The following KCTD8 variants were observed in gnomAD, a reference collection of about 807,000 sequenced individuals.
The protein encoded by KCTD8 is BTB/POZ domain-containing protein KCTD8.
Under a neutral mutation model 31.5 loss-of-function variants are expected in KCTD8, and 27 were observed. That is an observed-to-expected ratio of 0.86 (90% CI 0.63 to 1.18). KCTD8 has a LOEUF of 1.18. KCTD8 is among the 50% of genes most tolerant of loss of function. The probability of loss-of-function intolerance (pLI) is 0.00; values close to 1 mark genes in which losing one functional copy is unlikely to be tolerated. For synonymous variants in KCTD8, 290 were observed against 280.0 expected, an observed-to-expected ratio of 1.04 and a Z score of -0.36; for missense variants, 658 against 647.7, an observed-to-expected ratio of 1.02 and a Z score of -0.17.
intron 1 of KCTD8, among the ~76,000 whole-genome samples, chr4:44,297,645 G>A (rs1415924395): frequency 6.6e-6 from 1 of 152,078 alleles, no homozygotes; most frequent in Non-Finnish European, 1.5e-5. Context: ...ATGTATAAAT[G>A]AAATACCATG....
intron 1 of KCTD8, among the ~76,000 whole-genome samples, chr4:44,409,745 A>G (rs1720905414): frequency 6.6e-6 from 1 of 152,136 alleles, no homozygotes; most frequent in Non-Finnish European, 1.5e-5. Flanking sequence ...TCCTATTTTA[A>G]AAACAACTGA....
intron 1 of KCTD8, among the ~76,000 whole-genome samples, chr4:44,354,873 T>G (rs1430602896): frequency 6.6e-6 from 1 of 152,074 alleles, no homozygotes; most frequent in African/African-American, 2.4e-5. Flanking sequence ...ATCATGCAGT[T>G]AGTATGTATT....
intron 1 of KCTD8, among the ~76,000 whole-genome samples, chr4:44,207,752 G>A (rs1003183700): frequency 6.6e-6 from 1 of 152,198 alleles, no homozygotes; most frequent in Non-Finnish European, 1.5e-5. Context: ...CTCTGTCAAT[G>A]CTACACAAGC....
intron 1 of KCTD8, among the ~76,000 whole-genome samples, chr4:44,394,440 C>A (rs1180940896): frequency 6.6e-6 from 1 of 152,010 alleles, no homozygotes; most frequent in Non-Finnish European, 1.5e-5. Flanking sequence ...AAAAAATACC[C>A]TTTGGTCTTT....
At chr4:44,330,140 G>T (rs1281880369) in intron 1 of KCTD8, among the ~76,000 whole-genome samples, 1 of 151,866 alleles carries the variant, frequency 6.6e-6, no homozygotes, top group Non-Finnish European at 1.5e-5. Flanking sequence ...TTTCAGGTTA[G>T]ATACGTTTGA....
At chr4:44,260,315 C>CT (rs1349865440) in intron 1 of KCTD8, among the ~76,000 whole-genome samples, 8 of 151,766 alleles carry the variant, frequency 5.3e-5, no homozygotes, top group Non-Finnish European at 7.4e-5. Context: ...GTGAACTGAT[C>CT]ACCTACTATG....
intron 1 of KCTD8, among the ~76,000 whole-genome samples, chr4:44,386,757 C>T (rs1720233424): frequency 6.6e-6 from 1 of 151,294 alleles, no homozygotes; most frequent in Non-Finnish European, 1.5e-5. Context: ...GTACATACCC[C>T]AAAAAAGGAA....
chr4:44,272,107 C>A (rs1001769425), intron 1 of KCTD8, among the ~76,000 whole-genome samples: 1 of 130,722 alleles, frequency 7.6e-6, no homozygotes, highest in African/African-American at 3.7e-5. Context: ...TCAATAAATA[C>A]CCATGGTATT....
chr4:44,309,439 T>C (rs749591936), intron 1 of KCTD8, among the ~76,000 whole-genome samples: 31 of 152,178 alleles, frequency 2.0e-4, no homozygotes, highest in Non-Finnish European at 4.0e-4. Flanking sequence ...AAGTAATATT[T>C]TACAGAATTT....
At position 44,304,357 on chromosome 4, in the gene KCTD8, G is replaced by A. The variant is rs1190115009; in HGVS notation, c.962-129107C>T. On this transcript the variant is annotated intron_variant, in intron 1 of 1. Coordinates refer to ENST00000360029, the MANE Select transcript of KCTD8 (RefSeq NM_198353.3). ...CAATAAGGAGAATAGTCAGAATTGA[G>A]GTAAAGTAGATGGCCTGCATTTAAA... 7.9e-5 allele frequency among the ~76,000 whole-genome samples: 12 copies of A among 152,096 alleles called. No homozygotes were observed. The East Asian group carries it at 2.3e-3, about 29-fold the overall frequency.
At chr4:44,416,755 C>T (rs1402984097) in intron 1 of KCTD8, among the ~76,000 whole-genome samples, 1 of 152,128 alleles carries the variant, frequency 6.6e-6, no homozygotes, top group African/African-American at 2.4e-5. Flanking sequence ...GTTATGTTTC[C>T]TGTATAGCCT....
chr4:44,352,539 A>G (rs1168098304), intron 1 of KCTD8, among the ~76,000 whole-genome samples: 2 of 147,530 alleles, frequency 1.4e-5, no homozygotes, highest in African/African-American at 2.5e-5. Context: ...TATACTATTT[A>G]TATTTTTGTA....
At chr4:44,203,109 T>C (rs898443194) in intron 1 of KCTD8, among the ~76,000 whole-genome samples, 1 of 152,310 alleles carries the variant, frequency 6.6e-6, no homozygotes, top group Non-Finnish European at 1.5e-5. Context: ...TGGAGACTAA[T>C]GAGCCTGCCA....
chr4:44,279,918 CA>C (rs1187320967), intron 1 of KCTD8, among the ~76,000 whole-genome samples: 1 of 152,024 alleles, frequency 6.6e-6, no homozygotes, highest in Non-Finnish European at 1.5e-5. Flanking sequence ...CTCATTCATA[CA>C]GGTATTAATG....
chr4:44,436,342 T>C (rs1721644569), intron 1 of KCTD8, among the ~76,000 whole-genome samples: 1 of 152,070 alleles, frequency 6.6e-6, no homozygotes, highest in Non-Finnish European at 1.5e-5. Context: ...CAAGACCTCC[T>C]TCTGTAAACA....
intron 1 of KCTD8, among the ~76,000 whole-genome samples, chr4:44,405,241 T>TTTG (rs1553906240): frequency 2.3e-4 from 34 of 149,296 alleles, no homozygotes; most frequent in South Asian, 4.3e-4. Context: ...AGCCAGGTGT[T>TTTG]TTTGTTTGTT....
chr4:44,344,619 C>T (rs1223344165), intron 1 of KCTD8, among the ~76,000 whole-genome samples: 1 of 152,160 alleles, frequency 6.6e-6, no homozygotes, highest in African/African-American at 2.4e-5. Context: ...TCCCTCTCTC[C>T]TTTGTTATTT....
intron 1 of KCTD8, among the ~76,000 whole-genome samples, chr4:44,292,290 A>G (rs1041097352): frequency 1.4e-4 from 22 of 152,136 alleles, no homozygotes; most frequent in African/African-American, 5.3e-4. Context: ...ATACTATGCA[A>G]CCATAAAAAG....
intron 1 of KCTD8, among the ~76,000 whole-genome samples, chr4:44,188,431 G>A (rs1713657190): frequency 6.6e-6 from 1 of 152,152 alleles, no homozygotes; most frequent in African/African-American, 2.4e-5. Flanking sequence ...GTGTCTTTAA[G>A]GTTCATTTTC....
Sources: gnomAD v4.1 joint callset for allele counts (sites outside exome capture counted in the v4.1 genomes callset) on GRCh38, gnomAD v4.1.1 for gene constraint, MANE v1.5 for transcripts, NCBI Gene and HGNC (gene_info 2026-07-23, HGNC 2026-07-21) for gene names.